Variants in PDZD8 observed in about 807,000 individuals in gnomAD.
PDZD8 encodes the protein PDZ domain containing 8, also known as PDZ domain-containing protein 8.
In PDZD8, 14 loss-of-function variants were observed where a neutral mutation model predicts 85.8. The observed-to-expected ratio is 0.16, with a 90% CI of 0.11 to 0.26. The LOEUF (loss-of-function observed/expected upper bound fraction) is 0.26, where lower values mean the gene tolerates loss of function less well. PDZD8 is among the 10% of genes least tolerant of loss of function. The pLI is 1.00. For synonymous variants in PDZD8, 592 were observed against 568.6 expected (o/e 1.04, Z -0.59); for missense variants, 1,197 against 1,424.3 (o/e 0.84, Z 2.57).
At chr10:117,324,631 T>C (rs1312752713) in intron 2 of PDZD8, among the ~76,000 whole-genome samples, 3 of 152,162 alleles carry the variant, frequency 2.0e-5, no homozygotes, top group African/African-American at 7.2e-5. Flanking sequence ...GATCATACCA[T>C]TGGCCTGGAT....
At chr10:117,326,203 A>G (rs1844313766) in intron 2 of PDZD8, among the ~76,000 whole-genome samples, 1 of 152,182 alleles carries the variant, frequency 6.6e-6, no homozygotes, top group Admixed American at 6.5e-5. Context: ...CACCTCCAAT[A>G]TCTGGCTCCA....
chr10:117,373,915 T>C (rs11197974), intron 1 of PDZD8, among the ~76,000 whole-genome samples: 35,176 of 152,058 alleles, frequency 0.23, 4,731 homozygotes, highest in East Asian at 0.44. Flanking sequence ...ATAAGCACAC[T>C]CTTCACGCGT....
At chr10:117,341,241 A>G in intron 1 of PDZD8, 139 bp from the exon 2 acceptor site, 1 of 866,100 alleles carries the variant, frequency 1.2e-6, no homozygotes, top group African/African-American at 1.7e-5. Context: ...AAAGCTTACC[A>G]CACTCCCCCA....
At chr10:117,289,536 T>C (rs1180965040) in intron 4 of PDZD8, among the ~76,000 whole-genome samples, 1 of 152,248 alleles carries the variant, frequency 6.6e-6, no homozygotes, top group East Asian at 1.9e-4. Context: ...TGAGTCCTAC[T>C]GCTTAGACAT....
At position 117,277,661 on chromosome 10, in the gene PDZD8, C is replaced by T. The variant is rs1844519468; in HGVS notation, c.*5607G>A. 6.5e-6 allele frequency: 1 copy of T among 153,102 alleles called. No individual in the cohort carries two copies. Among genetic ancestry groups the T allele is most frequent in the African/African-American group, 2.4e-5 (1 of 41,460 alleles). The allele number at this position is 153,102 out of a possible 1,614,324, so 9.5% of individuals were successfully genotyped here. On this transcript the variant is annotated 3_prime_UTR_variant, in exon 5 of 5. Coordinates refer to ENST00000334464, the MANE Select transcript of PDZD8 (RefSeq NM_173791.5). The stretch of plus-strand genomic sequence containing the variant: ...TTTAAAATTAAAGCACACATTATCT[C>T]TGAGACTCTTCCAACAAAGAGAAAC...
chr10:117,338,619 C>T (rs1169137630), intron 2 of PDZD8, among the ~76,000 whole-genome samples: 1 of 152,140 alleles, frequency 6.6e-6, no homozygotes, highest in Non-Finnish European at 1.5e-5. Flanking sequence ...CCTGTATACC[C>T]CGTAAAAATT....
At chr10:117,365,033 A>G (rs541032516) in intron 1 of PDZD8, among the ~76,000 whole-genome samples, 34 of 152,276 alleles carry the variant, frequency 2.2e-4, no homozygotes, top group Non-Finnish European at 4.3e-4. Flanking sequence ...TTAGACCTCA[A>G]ACTTAACATG....
chr10:117,283,184 A>T lies in PDZD8; in HGVS notation c.*84T>A. 6 of 1,357,242 alleles carry T rather than the reference A, an allele frequency of 4.4e-6. No individual in the cohort carries two copies. Among genetic ancestry groups the T allele is most frequent in the South Asian group, 1.4e-5 (1 of 70,556 alleles). 84.1% of individuals were successfully genotyped at this position (1,357,242 alleles called of 1,614,324 possible). A position where few individuals can be genotyped will look rare whatever the true frequency, so the allele number is the denominator to read the frequency against. ...ACTGGAGAAGCAGGCCAGAGTGCAT[A>T]CGAGGATTTAAACATGGTTGTATCT... is the stretch of plus-strand genomic sequence containing the variant. On this transcript the variant is annotated 3_prime_UTR_variant, in exon 5 of 5. Transcript: ENST00000334464.
intron 2 of PDZD8, among the ~76,000 whole-genome samples, chr10:117,336,014 A>G (rs1408083948): frequency 6.6e-6 from 1 of 152,230 alleles, no homozygotes; most frequent in African/African-American, 2.4e-5. Flanking sequence ...TAGGACCAGG[A>G]GTGCTTCAGA....
In PDZD8 at chr10:117,285,070, T is replaced by G. The variant is rs771186340; in HGVS notation, c.1663A>C (p.Lys555Gln). Residue 555 changes from lysine (K) to glutamine (Q), a missense_variant, in exon 5 of 5, where the codon AAA becomes CAA. Around this residue, in one of 4 missense-constraint regions of PDZD8, gnomAD observed 263 missense variants for 261.9 expected, o/e 1.00. Coordinates refer to ENST00000334464, the MANE Select transcript of PDZD8 (RefSeq NM_173791.5). Reference sequence around the variant, plus strand: ...TTATTTCCATCTTTGGACTGAATTTTCGGTGGTAGTGGGTGACTTCCTACA... The same window carrying G: ...TTATTTCCATCTTTGGACTGAATTTGCGGTGGTAGTGGGTGACTTCCTACA... The part of the protein sequence containing the change: ...LAVGSHPLPP[K>Q]IQSKDGNKPP... 2 of 1,613,926 alleles carry G rather than the reference T, an allele frequency of 1.2e-6. No individual in the cohort carries two copies. The highest frequency in any genetic ancestry group is 1.7e-6 in the Non-Finnish European group (2 of 1,179,904).
At position 117,369,309 on chromosome 10, in the gene PDZD8, C is replaced by A. The variant is rs56755858; in HGVS notation, c.872+5047G>T. Among the ~76,000 whole-genome samples the A allele has an allele frequency of 4.7e-3, 721 of 151,808 alleles. 10 individuals carry two copies. Among genetic ancestry groups the A allele is most frequent in the African/African-American group, 0.017 (694 of 41,338 alleles). On this transcript the variant is annotated intron_variant, in intron 1 of 4. Transcript: ENST00000334464. ...GAGTAACTGGAATTACAGGCATGTGCCACCATGCCCAGCTAATTTTTGTAT... is the reference window on the plus strand; with the variant it reads ...GAGTAACTGGAATTACAGGCATGTGACACCATGCCCAGCTAATTTTTGTAT...
chr10:117,361,635 A>G (rs2133880009), intron 1 of PDZD8, among the ~76,000 whole-genome samples: 1 of 152,316 alleles, frequency 6.6e-6, no homozygotes, highest in East Asian at 1.9e-4. Context: ...TATCAAACAG[A>G]CAAAAATTCC....
At chr10:117,311,747 T>C (rs776239969) in intron 3 of PDZD8, among the ~76,000 whole-genome samples, 11 of 151,896 alleles carry the variant, frequency 7.2e-5, no homozygotes, top group Non-Finnish European at 5.9e-5. Flanking sequence ...ACAGAAGAAC[T>C]GAGTACCAAA....
intron 3 of PDZD8, among the ~76,000 whole-genome samples, chr10:117,306,176 G>A (rs914656463): frequency 2.0e-5 from 3 of 152,116 alleles, no homozygotes; most frequent in African/African-American, 7.2e-5. Context: ...ATGGTAAATC[G>A]GGAATGTATC....
chr10:117,335,865 T>C (rs1182756908), intron 2 of PDZD8, among the ~76,000 whole-genome samples: 3 of 152,266 alleles, frequency 2.0e-5, no homozygotes, highest in South Asian at 2.1e-4. Flanking sequence ...TATTATAGGA[T>C]TGAGCAAGTG....
intron 1 of PDZD8, among the ~76,000 whole-genome samples, chr10:117,352,737 A>G (rs1007108461): frequency 5.3e-5 from 8 of 152,182 alleles, no homozygotes; most frequent in Non-Finnish European, 1.0e-4. Flanking sequence ...TCCTGCCCAC[A>G]GCATAAAGAC....
At chr10:117,341,898 T>C (rs1844619823) in intron 1 of PDZD8, among the ~76,000 whole-genome samples, 1 of 152,184 alleles carries the variant, frequency 6.6e-6, no homozygotes, top group Non-Finnish European at 1.5e-5. Flanking sequence ...AGATATTCAT[T>C]AGAGATGTTT....
intron 3 of PDZD8, 88 bp from the exon 4 acceptor site, chr10:117,290,436 G>A: frequency 1.0e-6 from 1 of 990,226 alleles, no homozygotes; most frequent in Non-Finnish European, 1.4e-6. Flanking sequence ...TATGTGCAGA[G>A]AGCACCATGG....
At chr10:117,344,457 G>A (rs1358260300) in intron 1 of PDZD8, among the ~76,000 whole-genome samples, 1 of 152,084 alleles carries the variant, frequency 6.6e-6, no homozygotes, top group African/African-American at 2.4e-5. Flanking sequence ...GCACAATCTC[G>A]GCTCACTGCA....
Sources: gnomAD v4.1 joint callset for allele counts (sites outside exome capture counted in the v4.1 genomes callset) on GRCh38, gnomAD v4.1.1 for gene constraint, gnomAD v4.1.1 regional missense constraint, MANE v1.5 for transcripts, NCBI Gene and HGNC (gene_info 2026-07-23, HGNC 2026-07-21) for gene names.